The following PTPRD variants were observed in gnomAD, a reference collection of about 807,000 sequenced individuals.
PTPRD encodes protein tyrosine phosphatase receptor type D.
A neutral mutation model predicts 214.5 loss-of-function variants in PTPRD; 34 were observed. The ratio of observed to expected loss-of-function variants is 0.16; its 90% CI spans 0.12 to 0.21. The LOEUF (loss-of-function observed/expected upper bound fraction) is 0.21, where lower values mean the gene tolerates loss of function less well. Ranked by LOEUF, PTPRD falls within the 10% of genes least tolerant of loss-of-function variation. The pLI, the probability that PTPRD is intolerant of heterozygous loss-of-function variation, is 1.00. For missense variants in PTPRD, 2,545 were observed against 2,398.7 expected (o/e 1.06, Z -1.27); for synonymous variants, 1,128 against 845.7 (o/e 1.33, Z -5.79).
At chr9:9,042,885 A>G (rs1178122301) in intron 10 of PTPRD, among the ~76,000 whole-genome samples, 1 of 152,110 alleles carries the variant, frequency 6.6e-6, no homozygotes, top group Non-Finnish European at 1.5e-5. Context: ...TAGCTGCAGT[A>G]TCTGGTCTGG....
chr9:9,263,390 T>G (rs765751049), intron 9 of PTPRD, among the ~76,000 whole-genome samples: 1 of 151,702 alleles, frequency 6.6e-6, no homozygotes, highest in Admixed American at 6.6e-5. Flanking sequence ...TTAGTTCAAC[T>G]GAATGACTAT....
intron 3 of PTPRD, among the ~76,000 whole-genome samples, chr9:10,219,597 T>G (rs751899519): frequency 6.6e-6 from 1 of 152,004 alleles, no homozygotes; most frequent in East Asian, 1.9e-4. Context: ...GCAAAGCTTT[T>G]GATAAAGGTT....
chr9:10,580,698 A>T (rs2071415142), intron 2 of PTPRD, among the ~76,000 whole-genome samples: 1 of 152,142 alleles, frequency 6.6e-6, no homozygotes, highest in Non-Finnish European at 1.5e-5. Context: ...TAAAATTATA[A>T]ATTATAATAG....
At chr9:10,471,279 G>A (rs1054044140) in intron 2 of PTPRD, among the ~76,000 whole-genome samples, 3 of 151,896 alleles carry the variant, frequency 2.0e-5, no homozygotes, top group South Asian at 2.1e-4. Flanking sequence ...CATGTATCCC[G>A]GAACTTAAAC....
In PTPRD at chr9:8,314,854, G is replaced by C. The variant is rs1820934656; in HGVS notation, c.*3020C>G. On this transcript the variant is annotated 3_prime_UTR_variant, in exon 46 of 46. Coordinates refer to ENST00000381196, the MANE Select transcript of PTPRD (RefSeq NM_002839.4). ...TGTAGAATCAATAGGGCAGTGCATAGTACAAAGGTATAGAAAGTGCAAAGT... is the reference window on the plus strand; with the variant it reads ...TGTAGAATCAATAGGGCAGTGCATACTACAAAGGTATAGAAAGTGCAAAGT... 1 of 232,352 alleles carries C rather than the reference G, an allele frequency of 4.3e-6. No homozygotes were observed. Among genetic ancestry groups the C allele is most frequent in the Non-Finnish European group, 8.5e-6 (1 of 117,216 alleles). 14.4% of individuals were successfully genotyped at this position (232,352 alleles called of 1,614,324 possible).
At chr9:8,986,101 G>T (rs1022920554) in intron 11 of PTPRD, among the ~76,000 whole-genome samples, 7 of 152,038 alleles carry the variant, frequency 4.6e-5, no homozygotes, top group Non-Finnish European at 8.8e-5. Flanking sequence ...GCATGGATTA[G>T]TGTGCAGTAA....
intron 9 of PTPRD, among the ~76,000 whole-genome samples, chr9:9,393,829 G>A (rs960320635): frequency 1.3e-5 from 2 of 152,132 alleles, no homozygotes; most frequent in Admixed American, 1.3e-4. Context: ...GCTATAGTAA[G>A]TGCTTAATAA....
intron 11 of PTPRD, among the ~76,000 whole-genome samples, chr9:8,838,914 G>GA (rs1011889204): frequency 4.6e-5 from 7 of 151,190 alleles, no homozygotes; most frequent in East Asian, 1.9e-4. Flanking sequence ...TAATAAGAGA[G>GA]AAAAAAAACC....
chr9:9,479,921 A>C (rs1267799283), intron 8 of PTPRD, among the ~76,000 whole-genome samples: 1 of 152,186 alleles, frequency 6.6e-6, no homozygotes, highest in Non-Finnish European at 1.5e-5. Context: ...TATATAAACT[A>C]TATAATAAAA....
At chr9:9,449,643 T>G (rs141174510) in intron 8 of PTPRD, among the ~76,000 whole-genome samples, 1 of 152,036 alleles carries the variant, frequency 6.6e-6, no homozygotes, top group Non-Finnish European at 1.5e-5. Flanking sequence ...GATTCCACAT[T>G]TGCTCATTCA....
chr9:8,878,206 A>G (rs2098411455), intron 11 of PTPRD, among the ~76,000 whole-genome samples: 1 of 152,164 alleles, frequency 6.6e-6, no homozygotes, highest in African/African-American at 2.4e-5. Context: ...CAGGAGCTTG[A>G]TCATTCGTAG....
At chr9:10,382,298 G>C (rs1288809892) in intron 2 of PTPRD, among the ~76,000 whole-genome samples, 1 of 151,820 alleles carries the variant, frequency 6.6e-6, no homozygotes, top group African/African-American at 2.4e-5. Context: ...CTTCTTATGA[G>C]TTGACAAATA....
intron 9 of PTPRD, among the ~76,000 whole-genome samples, chr9:9,333,004 G>C (rs1408638527): frequency 6.6e-6 from 1 of 151,958 alleles, no homozygotes; most frequent in African/African-American, 2.4e-5. Flanking sequence ...TATCCAAAAA[G>C]CATGGATAAG....
At chr9:8,506,983 A>T (rs540313898) in intron 22 of PTPRD, among the ~76,000 whole-genome samples, 1 of 152,312 alleles carries the variant, frequency 6.6e-6, no homozygotes, top group African/African-American at 2.4e-5. Context: ...CTCAAGTCTC[A>T]TTGAGTATTT....
At chr9:9,752,484 C>T (rs923686202) in intron 6 of PTPRD, among the ~76,000 whole-genome samples, 1 of 151,890 alleles carries the variant, frequency 6.6e-6, no homozygotes, top group African/African-American at 2.4e-5. Context: ...TCCTTGTGTA[C>T]TAGTTTCTTG....
At chr9:9,619,203 G>A (rs567774417) in intron 7 of PTPRD, among the ~76,000 whole-genome samples, 1 of 152,152 alleles carries the variant, frequency 6.6e-6, no homozygotes, top group South Asian at 2.1e-4. Flanking sequence ...GAAAAGAAAG[G>A]TGACAGCTAT....
intron 3 of PTPRD, among the ~76,000 whole-genome samples, chr9:10,121,147 G>A (rs2098771830): frequency 1.3e-5 from 2 of 152,044 alleles, no homozygotes; most frequent in Non-Finnish European, 2.9e-5. Context: ...ATAGTATTGT[G>A]AATAAGAGTA....
intron 3 of PTPRD, among the ~76,000 whole-genome samples, chr9:10,142,460 C>T (rs933503024): frequency 6.6e-6 from 1 of 151,998 alleles, no homozygotes; most frequent in Non-Finnish European, 1.5e-5. Context: ...AAAAAGTGGG[C>T]AAAGGACATG....
At chr9:10,035,375 C>T (rs1474943192) in intron 3 of PTPRD, among the ~76,000 whole-genome samples, 1 of 151,958 alleles carries the variant, frequency 6.6e-6, no homozygotes, top group Non-Finnish European at 1.5e-5. Flanking sequence ...AATTTTCTCC[C>T]ATTCTGTAAG....
Sources: allele counts gnomAD v4.1 joint callset (sites outside exome capture counted in the v4.1 genomes callset), GRCh38; gene constraint gnomAD v4.1.1; transcripts MANE v1.5; gene names NCBI Gene and HGNC (gene_info 2026-07-23, HGNC 2026-07-21).